The following NSMAF variants were observed in gnomAD, a reference collection of about 807,000 sequenced individuals.
The protein encoded by NSMAF is neutral sphingomyelinase activation associated factor.
In NSMAF, 90 loss-of-function variants were observed where a neutral mutation model predicts 134.9. That is an observed-to-expected ratio of 0.67 (90% CI 0.56 to 0.79). The LOEUF (loss-of-function observed/expected upper bound fraction) is 0.79, where lower values mean the gene tolerates loss of function less well. Ranked by LOEUF, NSMAF falls within the 30% of genes least tolerant of loss-of-function variation. The pLI is 0.00. For missense variants in NSMAF, 1,010 were observed against 1,119.0 expected, an observed-to-expected ratio of 0.90 and a Z score of 1.39; for synonymous variants, 358 against 389.6, an observed-to-expected ratio of 0.92 and a Z score of 0.96.
intron 1 of NSMAF, among the ~76,000 whole-genome samples, chr8:58,657,724 G>A (rs893894947): frequency 2.6e-5 from 4 of 152,148 alleles, no homozygotes; most frequent in African/African-American, 9.7e-5. Flanking sequence ...TAAACAATTT[G>A]GGCACTCAGC....
chr8:58,594,777 A>G (rs1377141999), intron 22 of NSMAF: 2 of 156,272 alleles, frequency 1.3e-5, no homozygotes, highest in African/African-American at 4.8e-5. Flanking sequence ...CATTTAGAGA[A>G]GTTGAGAAAA....
chr8:58,641,457 C>T (rs969851338), intron 2 of NSMAF, among the ~76,000 whole-genome samples: 23 of 151,594 alleles, frequency 1.5e-4, no homozygotes, highest in Non-Finnish European at 2.1e-4. Context: ...TTTATGCCTC[C>T]GATTTTTAAA....
At position 58,599,355 on chromosome 8, in the gene NSMAF, C is replaced by A; in HGVS notation, c.1462G>T (p.Asp488Tyr). ...ELPPWASSPE[D>Y]FLQKSKDALE... ...GCATCTTTGCTCTTCTGGAGAAAGT[C>A]CTCGGGACCTATTAGATTAGACTCA... The change falls in exon 19 of 31, where the codon GAC becomes TAC. Residue 488 changes from aspartate (D) to tyrosine (Y), a missense_variant. Coordinates refer to ENST00000038176, the MANE Select transcript of NSMAF (RefSeq NM_003580.4). 5.6e-6 allele frequency: 9 copies of A among 1,613,772 alleles called. No homozygotes were observed. Among genetic ancestry groups the A allele is most frequent in the Non-Finnish European group, 7.6e-6 (9 of 1,179,920 alleles).
At chr8:58,598,336 G>A (rs1393676599) in intron 19 of NSMAF, among the ~76,000 whole-genome samples, 1 of 151,420 alleles carries the variant, frequency 6.6e-6, no homozygotes, top group African/African-American at 2.4e-5. Context: ...GTATATTGCT[G>A]CTATTTTCTG....
In NSMAF at chr8:58,601,351, A is replaced by G. The variant is rs746400423; in HGVS notation, c.1217-3T>C. 6.2e-7 allele frequency: 1 copy of G among 1,613,856 alleles called. No homozygotes were observed. The highest frequency in any genetic ancestry group is 1.7e-5 in the Admixed American group (1 of 60,018). On this transcript the variant is annotated splice_region_variant and splice_polypyrimidine_tract_variant and intron_variant, in intron 15 of 30. Coordinates refer to ENST00000038176, the MANE Select transcript of NSMAF (RefSeq NM_003580.4). Reference sequence around the variant, plus strand: ...CAGGCACAGCATATACTCTGGTGCTAGAGGGGAAAAAGTCAGAGGTAAGTC... The same window carrying G: ...CAGGCACAGCATATACTCTGGTGCTGGAGGGGAAAAAGTCAGAGGTAAGTC...
chr8:58,606,166 T>C (rs1466220933), intron 11 of NSMAF, 131 bp from the exon 12 acceptor site: 2 of 763,138 alleles, frequency 2.6e-6, no homozygotes, highest in Non-Finnish European at 3.9e-6. Context: ...ATTCCTATTT[T>C]CAATCTATAA....
intron 23 of NSMAF, among the ~76,000 whole-genome samples, chr8:58,591,844 G>A (rs1210544546): frequency 6.6e-6 from 1 of 151,998 alleles, no homozygotes; most frequent in African/African-American, 2.4e-5. Context: ...ATGTGCTTCA[G>A]ACATCCTATA....
chr8:58,613,888 C>T (rs962891067), intron 9 of NSMAF, among the ~76,000 whole-genome samples: 10 of 152,020 alleles, frequency 6.6e-5, no homozygotes, highest in African/African-American at 2.2e-4. Flanking sequence ...TTTCCTTTGA[C>T]CATCATGTTG....
rs1292291603 is a variant in NSMAF, at chr8:58,584,187, A to G, written c.2673T>C (p.Cys891=). The G allele has an allele frequency of 6.2e-7, 1 of 1,613,350 alleles. No homozygotes were observed. Among genetic ancestry groups the G allele is most frequent in the South Asian group, 1.1e-5 (1 of 91,008 alleles). The part of the protein sequence containing the change: ...RIQGHTGAVT[C]IWMNEQCSSI... Reference sequence around the variant, plus strand: ...TGCTACACTGTTCATTCATCCATATACATGTCACAGCACCTGAGAGAAAGA... The same window carrying G: ...TGCTACACTGTTCATTCATCCATATGCATGTCACAGCACCTGAGAGAAAGA... The change falls in exon 31 of 31, where the codon TGT becomes TGC. Residue 891 remains cysteine (C), a synonymous_variant. Coordinates refer to ENST00000038176, the MANE Select transcript of NSMAF (RefSeq NM_003580.4).
chr8:58,586,671 T>C (rs1214880237), intron 27 of NSMAF, 63 bp from the exon 28 acceptor site: 8 of 1,378,612 alleles, frequency 5.8e-6, no homozygotes, highest in South Asian at 1.3e-5. Context: ...TATGTTTCTC[T>C]AGTCTGGTTC....
chr8:58,636,715 G>C (rs1807181424), intron 2 of NSMAF, among the ~76,000 whole-genome samples: 1 of 152,204 alleles, frequency 6.6e-6, no homozygotes, highest in Non-Finnish European at 1.5e-5. Flanking sequence ...GGGAATGCCT[G>C]TGTTCCAGTA....
chr8:58,622,398 AATTT>A (rs1463086724), intron 9 of NSMAF, among the ~76,000 whole-genome samples: 1 of 150,366 alleles, frequency 6.7e-6, no homozygotes, highest in Non-Finnish European at 1.5e-5. Context: ...ATGCCCAACT[AATTT>A]TTTTTTTTTT....
chr8:58,596,792 G>T (rs920124499), intron 21 of NSMAF, among the ~76,000 whole-genome samples: 1 of 152,136 alleles, frequency 6.6e-6, no homozygotes, highest in Admixed American at 6.5e-5. Context: ...GCCGGGCGTG[G>T]TGGCGGGCGC....
intron 2 of NSMAF, among the ~76,000 whole-genome samples, chr8:58,642,357 A>T (rs1807354950): frequency 6.6e-6 from 1 of 152,232 alleles, no homozygotes; most frequent in African/African-American, 2.4e-5. Flanking sequence ...GCAAACAAAA[A>T]GCTTCATTAC....
At position 58,650,460 on chromosome 8, in the gene NSMAF, A is replaced by G. The variant is rs559125338; in HGVS notation, c.60-7387T>C. ...TAGCCTGATTTTCTTTTTCTTTTTT[A>G]GCTTCCTTCCAACATGCAAGCTTGC... On this transcript the variant is annotated intron_variant, in intron 1 of 30. Transcript: ENST00000038176. Among the ~76,000 whole-genome samples the G allele has an allele frequency of 2.6e-5, 4 of 152,074 alleles. No individual in the cohort carries two copies. In the East Asian group the frequency reaches 7.7e-4, roughly 29 times the overall value.
chr8:58,642,696 G>C (rs945217440), intron 2 of NSMAF, among the ~76,000 whole-genome samples: 4 of 151,956 alleles, frequency 2.6e-5, no homozygotes, highest in African/African-American at 9.7e-5. Context: ...TTTGAAAAAG[G>C]TTTCAAGTTA....
In NSMAF at chr8:58,599,246, A is replaced by G; in HGVS notation, c.1571T>C (p.Val524Ala). Residue 524 changes from valine (V) to alanine (A), a missense_variant, in exon 19 of 31, where the codon GTT becomes GCT. Val to Ala is a moderately conservative substitution (Grantham distance 64). Coordinates refer to ENST00000038176, the MANE Select transcript of NSMAF (RefSeq NM_003580.4). ...ATATTACATACCATTATGGGCCCCAACTGCATCACTCCCTTTTTGTTTGTA... is the reference window on the plus strand; with the variant it reads ...ATATTACATACCATTATGGGCCCCAGCTGCATCACTCCCTTTTTGTTTGTA... The part of the protein sequence containing the change: ...FGYKQKGSDA[V>A]GAHNVFHPLT... 2 of 1,613,626 alleles carry G rather than the reference A, an allele frequency of 1.2e-6. No individual in the cohort carries two copies. Among genetic ancestry groups the G allele is most frequent in the South Asian group, 1.1e-5 (1 of 91,036 alleles).
At chr8:58,588,397 G>A (rs1805941735) in intron 26 of NSMAF, 2 of 1,100,690 alleles carry the variant, frequency 1.8e-6, no homozygotes, top group Middle Eastern at 5.7e-4. Flanking sequence ...CCTGTCTTCA[G>A]TCTTTAAGAA....
chr8:58,640,350 GA>G (rs1190683653), intron 2 of NSMAF, among the ~76,000 whole-genome samples: 10 of 151,964 alleles, frequency 6.6e-5, no homozygotes, highest in Non-Finnish European at 1.5e-4. Context: ...AATAAAGCTG[GA>G]AAAAAGGAGG....
Sources: gnomAD v4.1 joint callset for allele counts (sites outside exome capture counted in the v4.1 genomes callset) on GRCh38, gnomAD v4.1.1 for gene constraint, MANE v1.5 for transcripts, NCBI Gene and HGNC (gene_info 2026-07-23, HGNC 2026-07-21) for gene names.